Variants in VSIG1 observed in about 807,000 individuals in gnomAD.
The protein encoded by VSIG1 is V-set and immunoglobulin domain containing 1, also known as V-set and immunoglobulin domain-containing protein 1.
Under a neutral mutation model 20.1 loss-of-function variants are expected in VSIG1, and 11 were observed. That is an observed-to-expected ratio of 0.55 (90% CI 0.34 to 0.91). The LOEUF (loss-of-function observed/expected upper bound fraction) is 0.91, where lower values mean the gene tolerates loss of function less well. VSIG1 is among the 40% of genes least tolerant of loss of function. The pLI is 0.02. For synonymous variants in VSIG1, 126 were observed against 116.7 expected (o/e 1.08, Z -0.52); for missense variants, 283 against 298.8 (o/e 0.95, Z 0.39).
chrX:108,051,836 C>T (rs908111522), intron 1 of VSIG1, among the ~76,000 whole-genome samples: 3 of 112,024 alleles, frequency 2.7e-5, no homozygotes, highest in African/African-American at 9.7e-5. Context: ...TCATTTGCTA[C>T]AGCATGAATG....
intron 1 of VSIG1, among the ~76,000 whole-genome samples, chrX:108,046,860 T>A (rs1332396767): frequency 9.0e-6 from 1 of 110,864 alleles, no homozygotes; most frequent in Non-Finnish European, 1.9e-5. Context: ...TCAGAGTGTG[T>A]TTCCTAAGTT....
the VSIG1 span, among the ~76,000 whole-genome samples, chrX:108,039,344 C>T: frequency 1.8e-5 from 2 of 110,006 alleles, no homozygotes; most frequent in Non-Finnish European, 3.8e-5. Context: ...CACCACACGC[C>T]CAGCTAATTT....
Position 108,047,953 on chromosome X carries a change from T to TAC in VSIG1, c.49+2782_49+2783dup, listed in dbSNP as rs1158174171. 4.3e-3 allele frequency among the ~76,000 whole-genome samples: 64 copies of TAC among 15,005 alleles called. 4 individuals carry two copies. The highest frequency in any genetic ancestry group is 0.01 in the South Asian group (3 of 298). The allele number at this position is 15,005 out of a possible 115,157, so 13.0% of individuals were successfully genotyped here. On this transcript the variant is annotated intron_variant, in intron 1 of 6. Transcript: ENST00000217957. ...ATATATACACATATATATATATATA[T>TAC]ACACACACATATATATATATATATA...
chrX:108,061,088 C>T (rs924793795), intron 2 of VSIG1, among the ~76,000 whole-genome samples: 2 of 112,643 alleles, frequency 1.8e-5, no homozygotes, highest in African/African-American at 6.4e-5. Context: ...CTTCTTATCC[C>T]TGAACTGACA....
the VSIG1 span, among the ~76,000 whole-genome samples, chrX:108,036,571 C>T: frequency 3.6e-5 from 4 of 112,137 alleles, no homozygotes; most frequent in Admixed American, 3.8e-4. Flanking sequence ...TCCCAGGCTA[C>T]TCAGCACAAG....
At chrX:108,070,426 A>G (rs1484204338) in intron 3 of VSIG1, among the ~76,000 whole-genome samples, 2 of 111,976 alleles carry the variant, frequency 1.8e-5, no homozygotes, top group African/African-American at 6.5e-5. Flanking sequence ...GTGATTCACT[A>G]AATGTTTTGT....
chrX:108,055,859 G>T (rs768811277), intron 1 of VSIG1, among the ~76,000 whole-genome samples: 24 of 112,107 alleles, frequency 2.1e-4, no homozygotes, highest in Non-Finnish European at 4.0e-4. Flanking sequence ...TAAAGCAAGA[G>T]AAATTAATTC....
chrX:108,062,137 G>A (rs2031040750), intron 2 of VSIG1, among the ~76,000 whole-genome samples: 1 of 111,105 alleles, frequency 9.0e-6, no homozygotes, highest in African/African-American at 3.3e-5. Context: ...CTTCCATCCA[G>A]TCTGTTAATG....
chrX:108,069,690 AACCCTGAGC>A (rs1359412434), intron 3 of VSIG1, among the ~76,000 whole-genome samples: 2 of 111,954 alleles, frequency 1.8e-5, no homozygotes, highest in Non-Finnish European at 3.8e-5. Flanking sequence ...TCATTTAACA[AACCCTGAGC>A]ACACGTGCCA....
chrX:108,022,701 G>T, the VSIG1 span, among the ~76,000 whole-genome samples: 1 of 111,913 alleles, frequency 8.9e-6, no homozygotes, highest in East Asian at 2.8e-4. Flanking sequence ...GCCTGAAATA[G>T]CTTTGATATT....
upstream of VSIG1, among the ~76,000 whole-genome samples, chrX:108,040,542 A>G (rs2030463277): frequency 8.9e-6 from 1 of 111,927 alleles, no homozygotes; most frequent in African/African-American, 3.2e-5. Flanking sequence ...TTGATCAAGC[A>G]ATTCCATTTC....
Position 108,077,337 on chromosome X carries a change from G to C in VSIG1, c.1120G>C (p.Val374Leu). The change falls in exon 7 of 7, where the codon GTT becomes CTT. Residue 374 changes from valine to leucine, a missense_variant. Transcript: ENST00000217957. ...PEPESEPGVV[V>L]EPLSEDEKGV... is the part of the protein sequence containing the mutation. ...GCCAGAGTCAGAGCCTGGGGTTGTA[G>C]TTGAGCCCTTAAGTGAAGATGAAAA... 1 of 1,212,111 alleles carries C rather than the reference G, an allele frequency of 8.3e-7. No individual in the cohort carries two copies. The highest frequency in any genetic ancestry group is 3.0e-5 in the East Asian group (1 of 33,862).
chrX:108,074,870 G>GA (rs746017723), intron 5 of VSIG1, among the ~76,000 whole-genome samples: 2 of 111,614 alleles, frequency 1.8e-5, no homozygotes, highest in African/African-American at 3.3e-5. Flanking sequence ...GTCTCTGAGG[G>GA]AAAAATCACA....
intron 1 of VSIG1, among the ~76,000 whole-genome samples, chrX:108,046,029 G>A (rs750859866): frequency 9.0e-6 from 1 of 111,365 alleles, no homozygotes; most frequent in Non-Finnish European, 1.9e-5. Flanking sequence ...GCACACATAT[G>A]CCTAGAATAA....
At position 108,077,227 on chromosome X, in the gene VSIG1, A is replaced by G. The variant is rs752363511; in HGVS notation, c.1010A>G (p.Glu337Gly). Reference sequence around the variant, plus strand: ...GCCCCAGAGCCTGCCCCAGGATCAGAGCCTATGGCAGTGCCTGACCTTGAC... The same window carrying G: ...GCCCCAGAGCCTGCCCCAGGATCAGGGCCTATGGCAGTGCCTGACCTTGAC... The part of the protein sequence containing the change: ...EPAPEPAPGS[E>G]PMAVPDLDIE... The change falls in exon 7 of 7, where the codon GAG (glutamate) becomes GGG (glycine). Residue 337 changes from glutamate (E) to glycine (G), a missense_variant. By Grantham distance (98) the Glu-to-Gly change is moderately conservative (BLOSUM62 -2). Transcript: ENST00000217957. The G allele has an allele frequency of 2.5e-6, 3 of 1,211,958 alleles. No homozygotes were observed. The highest frequency in any genetic ancestry group is 2.2e-5 in the Admixed American group (1 of 46,043).
At chrX:108,027,162 T>C in the VSIG1 span, among the ~76,000 whole-genome samples, 1 of 111,759 alleles carries the variant, frequency 8.9e-6, no homozygotes, top group Non-Finnish European at 1.9e-5. Context: ...CCAGCATTTT[T>C]ACTCCTAAAT....
the VSIG1 span, among the ~76,000 whole-genome samples, chrX:108,036,512 T>C: frequency 9.0e-6 from 1 of 111,261 alleles, no homozygotes; most frequent in Non-Finnish European, 1.9e-5. Context: ...TAACATAGAG[T>C]TCCTGGTACT....
chrX:108,071,906 AAAAAG>A (rs2031255020), intron 3 of VSIG1, among the ~76,000 whole-genome samples: 2 of 109,551 alleles, frequency 1.8e-5, no homozygotes, highest in Admixed American at 9.8e-5. Context: ...AAAAAAAAAA[AAAAAG>A]AAAATAATCA....
chrX:108,067,113 A>T lies in VSIG1; in HGVS notation c.391A>T (p.Ile131Phe), dbSNP rs745600113. Residue 131 changes from isoleucine (I) to phenylalanine (F), a missense_variant, in exon 3 of 7, where the codon ATC (isoleucine) becomes TTC (phenylalanine). By Grantham distance (21) the Ile-to-Phe change is conservative. Transcript: ENST00000217957. ...PPDFLGQNQGILNVSVLVKPS... is the reference protein window; with the variant it reads ...PPDFLGQNQGFLNVSVLVKPS... The stretch of plus-strand genomic sequence containing the variant: ...AGACTTTCTCGGCCAAAACCAAGGC[A>T]TCCTCAACGTCAGTGTGTTAGGTAT... The T allele has an allele frequency of 3.3e-6, 4 of 1,211,650 alleles. No homozygotes were observed. Among genetic ancestry groups the T allele is most frequent in the Non-Finnish European group, 4.5e-6 (4 of 895,393 alleles).
Sources: gnomAD v4.1 joint callset for allele counts (sites outside exome capture counted in the v4.1 genomes callset) on GRCh38, gnomAD v4.1.1 for gene constraint, MANE v1.5 for transcripts, NCBI Gene and HGNC (gene_info 2026-07-23, HGNC 2026-07-21) for gene names.